FBXL7: variants seen among roughly 807,000 people sequenced by gnomAD.
FBXL7 encodes the protein F-box/LRR-repeat protein 7.
Under a neutral mutation model 38.3 loss-of-function variants are expected in FBXL7, and 12 were observed. That is an observed-to-expected ratio of 0.31 (90% CI 0.20 to 0.51). FBXL7 has a LOEUF of 0.51. FBXL7 is among the 20% of genes least tolerant of loss of function. FBXL7 has a pLI of 0.98. For missense variants in FBXL7, 567 were observed against 676.4 expected (o/e 0.84, Z 1.79); for synonymous variants, 297 against 300.9 (o/e 0.99, Z 0.13).
rs1407364173 is a variant in FBXL7, at chr5:15,787,993, A to G, written c.128-139897A>G. Among the ~76,000 whole-genome samples, 4 of 152,134 alleles carry G rather than the reference A, an allele frequency of 2.6e-5. No homozygotes were observed. In the South Asian group the frequency reaches 8.3e-4, roughly 32 times the overall value. On this transcript the variant is annotated intron_variant, in intron 2 of 3. Coordinates refer to ENST00000504595, the MANE Select transcript of FBXL7 (RefSeq NM_012304.5). ...GTGCTGTGCTCCCTTTGAATGCTCTAGAGGAGATCTCTGCTGCTTCCTGGC... is the reference window on the plus strand; with the variant it reads ...GTGCTGTGCTCCCTTTGAATGCTCTGGAGGAGATCTCTGCTGCTTCCTGGC...
Position 15,818,767 on chromosome 5 carries a change from C to T in FBXL7, c.128-109123C>T, listed in dbSNP as rs1437768557. ...GTGAGAGAGAGAGAGATTTAAAATT[C>T]CCATGGGATAAATTATAAAAATAGA... On this transcript the variant is annotated intron_variant, in intron 2 of 3. Coordinates refer to ENST00000504595, the MANE Select transcript of FBXL7 (RefSeq NM_012304.5). 2.7e-5 allele frequency among the ~76,000 whole-genome samples: 4 copies of T among 148,554 alleles called. No individual in the cohort carries two copies. In the East Asian group the frequency reaches 7.9e-4, roughly 29 times the overall value.
rs1184280729 is a variant in FBXL7, at chr5:15,765,339, AC to A, written c.127+149270del. On this transcript the variant is annotated intron_variant, in intron 2 of 3. Transcript: ENST00000504595. ...CACTCCCGAGGCCATACCAAGATTTACCCAATCCCCAGCACAGTAGCTGCAA... is the reference window on the plus strand; with the variant it reads ...CACTCCCGAGGCCATACCAAGATTTACCAATCCCCAGCACAGTAGCTGCAA... Among the ~76,000 whole-genome samples, 3 of 152,258 alleles carry A rather than the reference AC, an allele frequency of 2.0e-5. No individual in the cohort carries two copies. In the East Asian group the frequency reaches 5.8e-4, roughly 29 times the overall value.
At chr5:15,912,249 C>T (rs866527802) in intron 2 of FBXL7, among the ~76,000 whole-genome samples, 2 of 87,944 alleles carry the variant, frequency 2.3e-5, no homozygotes, top group Non-Finnish European at 4.3e-5. Context: ...TTAAGCCGGT[C>T]TGAAAAGCGC....
chr5:15,565,014 C>T (rs1411039709), intron 1 of FBXL7, among the ~76,000 whole-genome samples: 1 of 151,560 alleles, frequency 6.6e-6, no homozygotes, highest in Non-Finnish European at 1.5e-5. Context: ...GTAAATAAAA[C>T]CAAACATTTA....
chr5:15,880,625 T>C (rs375519341), intron 2 of FBXL7, among the ~76,000 whole-genome samples: 4 of 151,466 alleles, frequency 2.6e-5, no homozygotes, highest in East Asian at 1.9e-4. Context: ...TTTGCAAAAC[T>C]ATCAGGCTAC....
rs56810372 is a variant in FBXL7, at chr5:15,541,443, GTATATATA to G, written c.37+40761_37+40768del. On this transcript the variant is annotated intron_variant, in intron 1 of 3. Transcript: ENST00000504595. The stretch of plus-strand genomic sequence containing the variant: ...ACATATAGTATATATGTGTGTGTGT[GTATATATA>G]TATATATATATATATATATATATAT... Among the ~76,000 whole-genome samples, 174 of 38,440 alleles carry G rather than the reference GTATATATA, an allele frequency of 4.5e-3. 2 individuals carry two copies. The highest frequency in any genetic ancestry group is 0.022 in the Middle Eastern group (1 of 46). 25.2% of individuals were successfully genotyped at this position (38,440 alleles called of 152,430 possible).
At chr5:15,784,260 A>G (rs964341915) in intron 2 of FBXL7, among the ~76,000 whole-genome samples, 1 of 152,164 alleles carries the variant, frequency 6.6e-6, no homozygotes, top group Non-Finnish European at 1.5e-5. Context: ...TTAGACAAAA[A>G]AAAATTAGCC....
chr5:15,667,630 T>C (rs1742328952), intron 2 of FBXL7, among the ~76,000 whole-genome samples: 1 of 152,126 alleles, frequency 6.6e-6, no homozygotes. Context: ...GGCCCAGCAG[T>C]ATAGCTGCTA....
At chr5:15,850,700 A>G (rs1739068822) in intron 2 of FBXL7, among the ~76,000 whole-genome samples, 2 of 152,184 alleles carry the variant, frequency 1.3e-5, no homozygotes, top group Admixed American at 6.5e-5. Context: ...TTGTCCGGAC[A>G]TGTTCCCATT....
chr5:15,760,296 G>A (rs902526796), intron 2 of FBXL7, among the ~76,000 whole-genome samples: 1 of 151,906 alleles, frequency 6.6e-6, no homozygotes. Flanking sequence ...ATGATTAGCT[G>A]TGGTATACCC....
In FBXL7 at chr5:15,727,808, G is replaced by A. The variant is rs114387776; in HGVS notation, c.127+111736G>A. On this transcript the variant is annotated intron_variant, in intron 2 of 3. Coordinates refer to ENST00000504595, the MANE Select transcript of FBXL7 (RefSeq NM_012304.5). ...AGCCATTACTTCTGTAAATATTCTC[G>A]CTGATTCTTTCTCTTTGTCATCTTC... 5.7e-3 allele frequency among the ~76,000 whole-genome samples: 870 copies of A among 152,124 alleles called. 4 individuals are homozygous for A. Among genetic ancestry groups the A allele is most frequent in the Non-Finnish European group, 9.7e-3 (660 of 67,978 alleles).
chr5:15,536,086 A>T (rs767251128), intron 1 of FBXL7, among the ~76,000 whole-genome samples: 1 of 152,242 alleles, frequency 6.6e-6, no homozygotes, highest in East Asian at 1.9e-4. Flanking sequence ...CAGCTTCCAC[A>T]TGGTGTTGGG....
rs77749371 is a variant in FBXL7, at chr5:15,838,381, G to A, written c.128-89509G>A. ...CCTCATATTGTGGAAGATGCGAGGG[G>A]TCTCTTTTATAAGAGCACTAATCCC... On this transcript the variant is annotated intron_variant, in intron 2 of 3. Transcript: ENST00000504595. Among the ~76,000 whole-genome samples, 1,267 of 152,166 alleles carry A rather than the reference G, an allele frequency of 8.3e-3. 17 individuals are homozygous for A. Among genetic ancestry groups the A allele is most frequent in the African/African-American group, 0.029 (1,192 of 41,526 alleles).
At chr5:15,868,823 C>T (rs772327243) in intron 2 of FBXL7, among the ~76,000 whole-genome samples, 16 of 152,150 alleles carry the variant, frequency 1.1e-4, no homozygotes, top group Non-Finnish European at 1.6e-4. Context: ...TCCCTCACCC[C>T]CAACCTCATC....
intron 1 of FBXL7, among the ~76,000 whole-genome samples, chr5:15,504,577 C>T (rs529045408): frequency 1.8e-4 from 27 of 152,260 alleles, no homozygotes; most frequent in Non-Finnish European, 3.7e-4. Context: ...ATTTGCAGCC[C>T]CATCTCCTAT....
chr5:15,660,618 A>G (rs1185859664), intron 2 of FBXL7, among the ~76,000 whole-genome samples: 2 of 152,290 alleles, frequency 1.3e-5, no homozygotes, highest in East Asian at 3.9e-4. Context: ...TTGGCCTCTC[A>G]AAGTGCTGGG....
chr5:15,914,342 C>T (rs983868901), intron 2 of FBXL7, among the ~76,000 whole-genome samples: 14 of 146,552 alleles, frequency 9.6e-5, no homozygotes, highest in African/African-American at 3.3e-4. Context: ...GCCGAGATCG[C>T]GCCACTGCAC....
chr5:15,848,877 C>T (rs894508347), intron 2 of FBXL7, among the ~76,000 whole-genome samples: 2 of 152,146 alleles, frequency 1.3e-5, no homozygotes, highest in African/African-American at 4.8e-5. Context: ...TTTTCAGGAG[C>T]ACTGAATTTT....
chr5:15,522,859 T>C (rs1338127485), intron 1 of FBXL7, among the ~76,000 whole-genome samples: 5 of 152,208 alleles, frequency 3.3e-5, no homozygotes, highest in Admixed American at 6.5e-5. Context: ...TAGCAAAAAC[T>C]CTAAGGTATG....
Sources: gnomAD v4.1 joint callset for allele counts (sites outside exome capture counted in the v4.1 genomes callset) on GRCh38, gnomAD v4.1.1 for gene constraint, MANE v1.5 for transcripts, NCBI Gene and HGNC (gene_info 2026-07-23, HGNC 2026-07-21) for gene names.